Variants in APBA2 observed in about 807,000 individuals in gnomAD.
The protein encoded by APBA2 is amyloid-beta A4 precursor protein-binding family A member 2.
In APBA2, 30 loss-of-function variants were observed where a neutral mutation model predicts 75.0. The observed-to-expected ratio is 0.40, with a 90% confidence interval of 0.30 to 0.54. The LOEUF (loss-of-function observed/expected upper bound fraction) is 0.54, where lower values mean the gene tolerates loss of function less well. Ranked by LOEUF, APBA2 falls within the 20% of genes least tolerant of loss-of-function variation. The probability of loss-of-function intolerance (pLI) is 0.49; values close to 1 mark genes in which losing one functional copy is unlikely to be tolerated. For synonymous variants in APBA2, 444 were observed against 409.6 expected (o/e 1.08, Z -1.01); for missense variants, 801 against 1,016.1 (o/e 0.79, Z 2.88).
At chr15:28,982,867 A>T (rs1321295413) in intron 2 of APBA2, among the ~76,000 whole-genome samples, 1 of 152,230 alleles carries the variant, frequency 6.6e-6, no homozygotes, top group Non-Finnish European at 1.5e-5. Flanking sequence ...CGAATTAGAG[A>T]TCGCAATAAC....
chr15:29,101,640 CGCCGACATT>C lies in APBA2; in HGVS notation c.1382_1390del (p.Ala461_Ile463del). The C allele has an allele frequency of 6.2e-7, 1 of 1,613,712 alleles. No individual in the cohort carries two copies. Among genetic ancestry groups the C allele is most frequent in the Admixed American group, 1.7e-5 (1 of 60,020 alleles). ...ACGCCTTGCGTACCATCTCCTACAT[CGCCGACATT>C]GGGAACATTGTAGTGCTGATGGCCA... On this transcript the variant is annotated inframe_deletion, in exon 10 of 15. Transcript: ENST00000683413.
At chr15:29,047,086 C>T (rs1365741123) in intron 3 of APBA2, among the ~76,000 whole-genome samples, 1 of 152,258 alleles carries the variant, frequency 6.6e-6, no homozygotes, top group Non-Finnish European at 1.5e-5. Flanking sequence ...GGCCATCTCT[C>T]CATTAAATAT....
At chr15:28,987,530 C>T (rs2037985896) in intron 2 of APBA2, among the ~76,000 whole-genome samples, 1 of 151,826 alleles carries the variant, frequency 6.6e-6, no homozygotes, top group African/African-American at 2.4e-5. Context: ...TTCCCCCAGC[C>T]TCAGTGATTC....
At chr15:28,953,758 C>T (rs112477560) in intron 2 of APBA2, among the ~76,000 whole-genome samples, 24 of 152,200 alleles carry the variant, frequency 1.6e-4, no homozygotes, top group African/African-American at 5.5e-4. Flanking sequence ...TCCTGCTTCA[C>T]TGGACTTTGC....
intron 1 of APBA2, among the ~76,000 whole-genome samples, chr15:28,898,146 A>T (rs2152624497): frequency 6.6e-6 from 1 of 152,290 alleles, no homozygotes; most frequent in East Asian, 1.9e-4. Context: ...CAACAGCTTG[A>T]TTTCAGCCCA....
intron 2 of APBA2, among the ~76,000 whole-genome samples, chr15:28,933,966 A>G (rs1208960797): frequency 2.0e-5 from 3 of 151,954 alleles, no homozygotes; most frequent in African/African-American, 7.2e-5. Context: ...GCCCAGGAGA[A>G]AGGGGGGCAT....
intron 3 of APBA2, among the ~76,000 whole-genome samples, chr15:29,010,587 A>T (rs2039354365): frequency 6.6e-6 from 1 of 151,952 alleles, no homozygotes. Context: ...AGTACCTGAG[A>T]CCTTTGCTAG....
At chr15:28,985,797 A>G (rs1044530392) in intron 2 of APBA2, among the ~76,000 whole-genome samples, 2 of 152,164 alleles carry the variant, frequency 1.3e-5, no homozygotes, top group African/African-American at 4.8e-5. Context: ...CGTTCTATGA[A>G]ACGCACTTCT....
At chr15:28,965,468 T>G (rs2036691493) in intron 2 of APBA2, among the ~76,000 whole-genome samples, 1 of 152,226 alleles carries the variant, frequency 6.6e-6, no homozygotes, top group South Asian at 2.1e-4. Context: ...GGCTTTTCTC[T>G]TTCTAATAAA....
chr15:28,961,049 G>A (rs1379552451), intron 2 of APBA2, among the ~76,000 whole-genome samples: 1 of 152,114 alleles, frequency 6.6e-6, no homozygotes, highest in Non-Finnish European at 1.5e-5. Context: ...GTGAGCCACC[G>A]CACCTAGCCG....
chr15:28,907,518 G>T (rs1250327590), intron 1 of APBA2, among the ~76,000 whole-genome samples: 1 of 152,136 alleles, frequency 6.6e-6, no homozygotes, highest in African/African-American at 2.4e-5. Context: ...GCAGCTGTCC[G>T]TGGGCTCCCC....
At position 28,907,522 on chromosome 15, in the gene APBA2, G is replaced by A. The variant is rs563210678; in HGVS notation, c.-204-14118G>A. Reference sequence around the variant, plus strand: ...AGCCAGGCAGAGCAGCTGTCCGTGGGCTCCCCAGTTGGCCAGAGCTGTTGG... The same window carrying A: ...AGCCAGGCAGAGCAGCTGTCCGTGGACTCCCCAGTTGGCCAGAGCTGTTGG... On this transcript the variant is annotated intron_variant, in intron 1 of 14. Transcript: ENST00000683413. 9.3e-4 allele frequency among the ~76,000 whole-genome samples: 142 copies of A among 152,312 alleles called. 1 individual carries two copies. The highest frequency in any genetic ancestry group is 3.4e-3 in the Middle Eastern group (1 of 294).
chr15:29,110,740 C>T (rs1285408671), intron 13 of APBA2, among the ~76,000 whole-genome samples: 2 of 152,236 alleles, frequency 1.3e-5, no homozygotes, highest in East Asian at 1.9e-4. Flanking sequence ...GGAAGGACTC[C>T]GGTTTGTGTT....
At chr15:28,992,569 G>C (rs538156245) in intron 2 of APBA2, among the ~76,000 whole-genome samples, 1 of 152,204 alleles carries the variant, frequency 6.6e-6, no homozygotes, top group Non-Finnish European at 1.5e-5. Flanking sequence ...AACCTCGTGC[G>C]TGGTGTTTGA....
At position 28,886,088 on chromosome 15, in the gene APBA2, G is replaced by T. The variant is rs886305614; in HGVS notation, c.-395G>T. 2 of 149,382 alleles carry T rather than the reference G, an allele frequency of 1.3e-5. No homozygotes were observed. The highest frequency in any genetic ancestry group is 3.0e-5 in the Non-Finnish European group (2 of 67,044). The allele number at this position is 149,382 out of a possible 1,614,324, so 9.3% of individuals were successfully genotyped here. A position where few individuals can be genotyped will look rare whatever the true frequency, so the allele number is the denominator to read the frequency against. ...GCGCCGCGTGCGCCCGGCAGAGGCG[G>T]CCCTGCGTGCCGTACGCTGCGTCCG... On this transcript the variant is annotated 5_prime_UTR_variant, in exon 1 of 15. Transcript: ENST00000683413.
chr15:28,907,085 C>CCCT lies in APBA2; in HGVS notation c.-204-14551_-204-14549dup, dbSNP rs548645259. 4.6e-3 allele frequency among the ~76,000 whole-genome samples: 707 copies of CCCT among 152,258 alleles called. 5 individuals are homozygous for CCCT. The highest frequency in any genetic ancestry group is 0.01 in the Middle Eastern group (3 of 294). On this transcript the variant is annotated intron_variant, in intron 1 of 14. Transcript: ENST00000683413. ...TTCTCTACCCTAATATATATAAGCACCCTCCTGCATGTTCTGCTAATACTT... is the reference window on the plus strand; with the variant it reads ...TTCTCTACCCTAATATATATAAGCACCCTCCTCCTGCATGTTCTGCTAATACTT...
chr15:29,113,606 G>A (rs2044866015), intron 13 of APBA2, among the ~76,000 whole-genome samples: 1 of 152,238 alleles, frequency 6.6e-6, no homozygotes, highest in East Asian at 1.9e-4. Context: ...CACAAAGGGA[G>A]CGGCCCTGGG....
intron 2 of APBA2, among the ~76,000 whole-genome samples, chr15:28,942,959 G>T (rs931593184): frequency 4.6e-5 from 7 of 152,236 alleles, no homozygotes; most frequent in African/African-American, 1.7e-4. Flanking sequence ...GGGGGCTTCT[G>T]CCAGACTGTC....
In APBA2 at chr15:29,054,724, G is replaced by T. The variant is rs754082041; in HGVS notation, c.840G>T (p.Arg280Ser). Residue 280 changes from arginine to serine, a missense_variant, in exon 4 of 15, where the codon AGG (arginine) becomes AGT (serine). Physicochemically the swap from Arg to Ser is moderately radical, Grantham distance 110. Around this residue, in one of 2 missense-constraint regions of APBA2, gnomAD observed 434 missense variants for 471.6 expected, o/e 0.92. Transcript: ENST00000683413. The surrounding 1 kb of genome is among the most constrained non-coding windows in gnomAD (Gnocchi z 6.1). ...GCAGCCCCAGCAGGCACGAGGCGAG[G>T]CCCAAGTCGCTGAACCTCCTTCCCG... ...ASCSPSRHEA[R>S]PKSLNLLPEA... 1.2e-6 allele frequency: 2 copies of T among 1,612,934 alleles called. No individual in the cohort carries two copies. Among genetic ancestry groups the T allele is most frequent in the Non-Finnish European group, 8.5e-7 (1 of 1,179,996 alleles).
Sources: allele counts gnomAD v4.1 joint callset (sites outside exome capture counted in the v4.1 genomes callset), GRCh38; gene constraint gnomAD v4.1.1; regional missense constraint gnomAD v4.1.1; non-coding constraint Gnocchi (gnomAD v3.1); transcripts MANE v1.5; gene names NCBI Gene and HGNC (gene_info 2026-07-23, HGNC 2026-07-21).